Variants in TACC2 observed in about 807,000 individuals in gnomAD.
The protein encoded by TACC2 is transforming acidic coiled-coil containing protein 2, also known as transforming acidic coiled-coil-containing protein 2.
Under a neutral mutation model 227.3 loss-of-function variants are expected in TACC2, and 137 were observed. The ratio of observed to expected loss-of-function variants is 0.60; its 90% CI spans 0.52 to 0.69. TACC2 has a LOEUF of 0.69. Among genes scored for constraint, TACC2 ranks in the 30% least tolerant of loss-of-function variants. The probability of loss-of-function intolerance (pLI) is 0.00; values close to 1 mark genes in which losing one functional copy is unlikely to be tolerated. For missense variants in TACC2, 3,470 were observed against 3,694.4 expected (o/e 0.94, Z 1.57); for synonymous variants, 1,523 against 1,487.5 (o/e 1.02, Z -0.55).
chr10:122,007,429 G>C (rs1289692072), intron 1 of TACC2, among the ~76,000 whole-genome samples: 2 of 152,090 alleles, frequency 1.3e-5, no homozygotes, highest in African/African-American at 2.4e-5. Context: ...TTAGAATTTT[G>C]TTCCTCTTCA....
At chr10:122,082,249 A>G (rs2079597253) in intron 3 of TACC2, among the ~76,000 whole-genome samples, 1 of 152,234 alleles carries the variant, frequency 6.6e-6, no homozygotes, top group Non-Finnish European at 1.5e-5. Flanking sequence ...CCTAAGCTGC[A>G]GTAAGCTATC....
intron 7 of TACC2, among the ~76,000 whole-genome samples, chr10:122,145,322 T>C (rs532967304): frequency 9.2e-5 from 14 of 152,328 alleles, no homozygotes; most frequent in African/African-American, 3.4e-4. Flanking sequence ...TGCCAAGGAA[T>C]ATTACTCACC....
chr10:122,002,819 C>CTT (rs1954570044), intron 1 of TACC2, among the ~76,000 whole-genome samples: 1 of 152,118 alleles, frequency 6.6e-6, no homozygotes, highest in African/African-American at 2.4e-5. Context: ...ATGGTTATTT[C>CTT]CCTCTTGTAA....
At chr10:121,989,756 T>G (rs201282117) in intron 1 of TACC2, among the ~76,000 whole-genome samples, 1,580 of 110,614 alleles carry the variant, frequency 0.014, 29 homozygotes, top group African/African-American at 0.04. Flanking sequence ...TTAATTTTAT[T>G]TTTTTTTTTT....
At chr10:122,046,313 A>C (rs1046009975) in intron 2 of TACC2, among the ~76,000 whole-genome samples, 32 of 151,122 alleles carry the variant, frequency 2.1e-4, no homozygotes, top group African/African-American at 7.8e-4. Context: ...TCTCTACTAA[A>C]AATACAAAAA....
At position 122,216,729 on chromosome 10, in the gene TACC2, T is replaced by C; in HGVS notation, c.7447T>C (p.Cys2483Arg). ...GGCGGTCACCAACCAGAAGTGGACG[T>C]GCATGACAGTGGACCTAGAGGCTGA... ...KLAVTNQKWT[C>R]MTVDLEADKQ... is the part of the protein sequence containing the mutation. Residue 2483 changes from cysteine to arginine, a missense_variant, in exon 11 of 23, where the codon TGC becomes CGC. By Grantham distance (180) the Cys-to-Arg change is radical (BLOSUM62 -3). Transcript: ENST00000369005. 1 of 1,614,064 alleles carries C rather than the reference T, an allele frequency of 6.2e-7. No individual in the cohort carries two copies. Among genetic ancestry groups the C allele is most frequent in the African/African-American group, 1.3e-5 (1 of 75,002 alleles).
chr10:122,121,521 G>A (rs1321074880), intron 5 of TACC2, among the ~76,000 whole-genome samples: 2 of 152,172 alleles, frequency 1.3e-5, no homozygotes, highest in Admixed American at 6.5e-5. Flanking sequence ...AGGGGGAGGA[G>A]GAATGGCATT....
chr10:122,008,423 G>T (rs1451687605), intron 1 of TACC2, among the ~76,000 whole-genome samples: 1 of 151,674 alleles, frequency 6.6e-6, no homozygotes, highest in East Asian at 1.9e-4. Flanking sequence ...ACCAGGCCTG[G>T]CTAATATTGT....
rs779457735 is a variant in TACC2 at position 122,088,564 on chromosome 10, A to C, written c.5546A>C (p.Glu1849Ala). ...PRVMDKVTSD[E>A]TRGAEGTESS... ...GTCATGGATAAAGTCACTTCAGATG[A>C]GACCAGAGGTGCGGAAGGAACAGAA... is the stretch of plus-strand genomic sequence containing the variant. Residue 1849 changes from glutamate to alanine, a missense_variant, in exon 5 of 23, where the codon GAG (glutamate) becomes GCG (alanine). Glu to Ala is a moderately radical substitution (Grantham distance 107). Around this residue, in one of 10 missense-constraint regions of TACC2, gnomAD observed 1,924 missense variants for 1,978.3 expected, o/e 0.97. Transcript: ENST00000369005. The C allele has an allele frequency of 6.2e-7, 1 of 1,613,732 alleles. No homozygotes were observed. The highest frequency in any genetic ancestry group is 8.5e-7 in the Non-Finnish European group (1 of 1,179,890).
At chr10:122,253,491 C>T (rs1413997745) in intron 22 of TACC2, among the ~76,000 whole-genome samples, 1 of 151,992 alleles carries the variant, frequency 6.6e-6, no homozygotes, top group Non-Finnish European at 1.5e-5. Context: ...CCCCCCATGA[C>T]CCTGTAGCCA....
intron 7 of TACC2, among the ~76,000 whole-genome samples, chr10:122,158,162 C>A (rs560419925): frequency 1.3e-5 from 2 of 152,180 alleles, no homozygotes; most frequent in African/African-American, 4.8e-5. Flanking sequence ...CCAAGGCAGG[C>A]GGATCACTTG....
rs370032103 is a variant in TACC2 at position 122,088,759 on chromosome 10, A to T, written c.5573+168A>T. The stretch of plus-strand genomic sequence containing the variant: ...TACAGGTACAGCAGTACCTGGGATG[A>T]CTAAAAGCTCCATTGTTGGAAAAGG... On this transcript the variant is annotated intron_variant, in intron 5 of 22. Transcript: ENST00000369005. 264 of 1,531,444 alleles carry T rather than the reference A, an allele frequency of 1.7e-4. No homozygotes were observed. The African/African-American group carries it at 3.0e-3, about 18-fold the overall frequency. The allele number at this position is 1,531,444 out of a possible 1,614,324, so 94.9% of individuals were successfully genotyped here. A position where few individuals can be genotyped will look rare whatever the true frequency, so the allele number is the denominator to read the frequency against.
intron 1 of TACC2, among the ~76,000 whole-genome samples, chr10:121,995,224 G>A (rs1162586893): frequency 6.6e-6 from 1 of 152,184 alleles, no homozygotes; most frequent in East Asian, 1.9e-4. Context: ...TGTTGTGCCT[G>A]CCAACTTGAG....
In TACC2 at chr10:122,249,120, A is replaced by T. The variant is rs1385348085; in HGVS notation, c.8624A>T (p.Gln2875Leu). 1.2e-6 allele frequency: 2 copies of T among 1,612,846 alleles called. No homozygotes were observed. The highest frequency in any genetic ancestry group is 1.7e-6 in the Non-Finnish European group (2 of 1,179,838). ...SRVKKEEQRY[Q>L]ALKVHAEEKL... ...GTGAAGAAGGAGGAGCAGAGGTACC[A>T]GGCCCTGAAGGTGCACGCGGAGGAG... Residue 2875 changes from glutamine (Q) to leucine (L), a missense_variant, in exon 21 of 23, where the codon CAG (glutamine) becomes CTG (leucine). Transcript: ENST00000369005.
intron 1 of TACC2, among the ~76,000 whole-genome samples, chr10:121,992,348 T>C (rs1953061353): frequency 6.6e-6 from 1 of 152,224 alleles, no homozygotes; most frequent in African/African-American, 2.4e-5. Context: ...AAAGTGCTAA[T>C]GTGAAAACAC....
intron 2 of TACC2, among the ~76,000 whole-genome samples, chr10:122,036,415 G>A (rs1481575190): frequency 2.0e-5 from 3 of 151,274 alleles, no homozygotes; most frequent in African/African-American, 7.3e-5. Context: ...GGATGGTCTC[G>A]ATCTCCTGAC....
intron 7 of TACC2, among the ~76,000 whole-genome samples, chr10:122,190,492 C>G (rs1415478599): frequency 6.6e-6 from 1 of 152,152 alleles, no homozygotes; most frequent in Non-Finnish European, 1.5e-5. Context: ...GTTTTCGTGG[C>G]CAGCACAGTC....
At chr10:122,233,553 A>T (rs910617677) in intron 16 of TACC2, among the ~76,000 whole-genome samples, 1 of 152,126 alleles carries the variant, frequency 6.6e-6, no homozygotes, top group Non-Finnish European at 1.5e-5. Flanking sequence ...AGTTGGGGCC[A>T]CCTGTGTTGT....
At position 122,132,646 on chromosome 10, in the gene TACC2, C is replaced by G; in HGVS notation, c.5611C>G (p.Pro1871Ala). 1 of 1,614,192 alleles carries G rather than the reference C, an allele frequency of 6.2e-7. No homozygotes were observed. The highest frequency in any genetic ancestry group is 1.6e-4 in the Middle Eastern group (1 of 6,062). The change falls in exon 6 of 23, where the codon CCC (proline) becomes GCC (alanine). Residue 1871 changes from proline to alanine, a missense_variant. Coordinates refer to ENST00000369005, the MANE Select transcript of TACC2 (RefSeq NM_206862.4). ...AGATGATATCATCCAGCCCGCTGCC[C>G]CCGCAGACCTGGAAAGCCCAACCTT... ...VADDIIQPAA[P>A]ADLESPTLAA...
Sources: allele counts gnomAD v4.1 joint callset (sites outside exome capture counted in the v4.1 genomes callset), GRCh38; gene constraint gnomAD v4.1.1; regional missense constraint gnomAD v4.1.1; transcripts MANE v1.5; gene names NCBI Gene and HGNC (gene_info 2026-07-23, HGNC 2026-07-21).